GBE1: variants seen among roughly 807,000 people sequenced by gnomAD.
The protein encoded by GBE1 is 1,4-alpha-glucan-branching enzyme.
In GBE1, 70 loss-of-function variants were observed where a neutral mutation model predicts 88.8. The observed-to-expected ratio is 0.79, with a 90% CI of 0.65 to 0.96. GBE1 has a LOEUF of 0.96. Ranked by LOEUF, GBE1 falls within the 40% of genes least tolerant of loss-of-function variation. The pLI, the probability that GBE1 is intolerant of heterozygous loss-of-function variation, is 0.00. For missense variants in GBE1, 872 were observed against 871.0 expected (o/e 1.00, Z -0.01); for synonymous variants, 284 against 300.1 (o/e 0.95, Z 0.56).
intron 1 of GBE1, among the ~76,000 whole-genome samples, chr3:81,714,566 A>C (rs923847471): frequency 2.6e-5 from 4 of 152,200 alleles, no homozygotes; most frequent in African/African-American, 9.6e-5. Context: ...TAACTATATT[A>C]GATATAATAT....
intron 1 of GBE1, among the ~76,000 whole-genome samples, chr3:81,750,553 A>ATATATATATGTATATATATATGTG (rs1706486674): frequency 1.3e-5 from 1 of 74,240 alleles, no homozygotes. Context: ...ATATATATGT[A>ATATATATATGTATATATATATGTG]TATATATATG....
intron 14 of GBE1, among the ~76,000 whole-genome samples, chr3:81,533,940 A>T (rs1703041599): frequency 6.6e-6 from 1 of 152,008 alleles, no homozygotes; most frequent in Admixed American, 6.6e-5. Flanking sequence ...TGAACTGGGG[A>T]ACTTGATACT....
At chr3:81,601,713 TGTGTTCTATTA>T (rs1704035166) in intron 7 of GBE1, among the ~76,000 whole-genome samples, 1 of 152,196 alleles carries the variant, frequency 6.6e-6, no homozygotes, top group Non-Finnish European at 1.5e-5. Context: ...AATATATCAA[TGTGTTCTATTA>T]GTTGTGATTT....
At position 81,584,424 on chromosome 3, in the gene GBE1, GT is replaced by G. The variant is rs1173417048; in HGVS notation, c.1335+1667del. Among the ~76,000 whole-genome samples the G allele has an allele frequency of 2.6e-5, 4 of 152,092 alleles. No individual in the cohort carries two copies. The East Asian group carries it at 7.7e-4, about 29-fold the overall frequency. On this transcript the variant is annotated intron_variant, in intron 10 of 15. Coordinates refer to ENST00000429644, the MANE Select transcript of GBE1 (RefSeq NM_000158.4). ...GAGAATGGGAGCCACTTATTGAATTGTTTTTAAATGCACCAGTTACAAAAGT... is the reference window on the plus strand; with the variant it reads ...GAGAATGGGAGCCACTTATTGAATTGTTTTAAATGCACCAGTTACAAAAGT...
At position 81,594,034 on chromosome 3, in the gene GBE1, A is replaced by T; in HGVS notation, c.993-11T>A. 7.7e-7 allele frequency: 1 copy of T among 1,304,410 alleles called. No individual in the cohort carries two copies. Among genetic ancestry groups the T allele is most frequent in the Non-Finnish European group, 1.1e-6 (1 of 922,552 alleles). The allele number at this position is 1,304,410 out of a possible 1,614,324, so 80.8% of individuals were successfully genotyped here. ...CTTAAAATTTCCCAGCTAAAATATA[A>T]GAGAAATATGTATTTAAGCAAAATG... is the stretch of plus-strand genomic sequence containing the variant. On this transcript the variant is annotated splice_polypyrimidine_tract_variant and intron_variant, in intron 7 of 15. Coordinates refer to ENST00000429644, the MANE Select transcript of GBE1 (RefSeq NM_000158.4).
intron 1 of GBE1, among the ~76,000 whole-genome samples, chr3:81,719,728 A>G (rs1000147034): frequency 6.6e-6 from 1 of 152,220 alleles, no homozygotes; most frequent in Non-Finnish European, 1.5e-5. Flanking sequence ...TATCAGAGAT[A>G]TAAGAATTTA....
chr3:81,544,447 A>G (rs1356152669), intron 12 of GBE1, among the ~76,000 whole-genome samples: 2 of 152,140 alleles, frequency 1.3e-5, no homozygotes, highest in Non-Finnish European at 1.5e-5. Flanking sequence ...AAGAGAGGAT[A>G]ATCATTTTTT....
rs1344301490 is a variant in GBE1 at position 81,490,070 on chromosome 3, T to C, written c.*337A>G. ...TACATTTAACAGAAATAATCATACATGACAAATGATTCAAATTTGAATTTA... is the reference window on the plus strand; with the variant it reads ...TACATTTAACAGAAATAATCATACACGACAAATGATTCAAATTTGAATTTA... On this transcript the variant is annotated 3_prime_UTR_variant, in exon 16 of 16. Transcript: ENST00000429644. 2.0e-5 allele frequency: 5 copies of C among 247,596 alleles called. No individual in the cohort carries two copies. Among genetic ancestry groups the C allele is most frequent in the East Asian group, 2.4e-4 (2 of 8,166 alleles). The allele number at this position is 247,596 out of a possible 1,614,324, so 15.3% of individuals were successfully genotyped here. A position where few individuals can be genotyped will look rare whatever the true frequency, so the allele number is the denominator to read the frequency against.
At chr3:81,677,928 G>C (rs1319676945) in intron 2 of GBE1, among the ~76,000 whole-genome samples, 1 of 152,012 alleles carries the variant, frequency 6.6e-6, no homozygotes, top group Admixed American at 6.6e-5. Context: ...AGAACCAATG[G>C]AATACTAATA....
intron 1 of GBE1, among the ~76,000 whole-genome samples, chr3:81,721,978 G>C (rs1342522620): frequency 6.6e-6 from 1 of 152,144 alleles, no homozygotes; most frequent in African/African-American, 2.4e-5. Context: ...AGGGCACTCA[G>C]CAAGTTATTA....
intron 7 of GBE1, among the ~76,000 whole-genome samples, chr3:81,627,518 A>C (rs1704434637): frequency 6.6e-6 from 1 of 152,118 alleles, no homozygotes; most frequent in African/African-American, 2.4e-5. Context: ...CAGCATTTTT[A>C]ACACAGGGTG....
intron 7 of GBE1, among the ~76,000 whole-genome samples, chr3:81,640,685 T>C (rs1004431728): frequency 6.6e-6 from 1 of 151,894 alleles, no homozygotes. Flanking sequence ...ATTAATAGTA[T>C]AAACCTATAT....
chr3:81,635,014 CTTAACACAGTG>C (rs1223052136), intron 7 of GBE1, among the ~76,000 whole-genome samples: 2 of 152,144 alleles, frequency 1.3e-5, no homozygotes, highest in Non-Finnish European at 2.9e-5. Context: ...CTTCACTGTT[CTTAACACAGTG>C]TTAAGAACAG....
chr3:81,668,024 G>A (rs892751515), intron 3 of GBE1, among the ~76,000 whole-genome samples: 6 of 152,146 alleles, frequency 3.9e-5, no homozygotes, highest in Admixed American at 1.3e-4. Context: ...TACACACCAC[G>A]GAATACTATG....
At chr3:81,690,765 T>A (rs1456355304) in intron 2 of GBE1, among the ~76,000 whole-genome samples, 1 of 152,322 alleles carries the variant, frequency 6.6e-6, no homozygotes, top group East Asian at 1.9e-4. Context: ...GTTTCTATTT[T>A]ATTCTACTTT....
chr3:81,535,868 G>C (rs575436344), intron 13 of GBE1, among the ~76,000 whole-genome samples: 1 of 151,826 alleles, frequency 6.6e-6, no homozygotes. Context: ...AAAAGATAAG[G>C]TCTGAAAAGA....
At chr3:81,726,453 G>A (rs777604026) in intron 1 of GBE1, among the ~76,000 whole-genome samples, 10 of 152,076 alleles carry the variant, frequency 6.6e-5, no homozygotes, top group African/African-American at 9.7e-5. Context: ...AGGCAGTGAA[G>A]TAATTTAAGA....
intron 2 of GBE1, among the ~76,000 whole-genome samples, chr3:81,675,726 G>A (rs1357920565): frequency 6.6e-6 from 1 of 152,034 alleles, no homozygotes; most frequent in Non-Finnish European, 1.5e-5. Context: ...TAGGCTCAAA[G>A]TTAGGTACCC....
At chr3:81,544,580 T>C (rs575590198) in intron 12 of GBE1, among the ~76,000 whole-genome samples, 2 of 152,154 alleles carry the variant, frequency 1.3e-5, no homozygotes, top group Non-Finnish European at 2.9e-5. Context: ...TGGCTAAACC[T>C]TAAAACAAAA....
Sources: allele counts gnomAD v4.1 joint callset (sites outside exome capture counted in the v4.1 genomes callset), GRCh38; gene constraint gnomAD v4.1.1; transcripts MANE v1.5; gene names NCBI Gene and HGNC (gene_info 2026-07-23, HGNC 2026-07-21).